Variants in CEP83 observed in about 807,000 individuals in gnomAD.
The protein encoded by CEP83 is centrosomal protein 83.
CEP83 carries 70 observed loss-of-function variants against 101.9 expected under a neutral mutation model. That is an observed-to-expected ratio of 0.69 (90% CI 0.57 to 0.84). The LOEUF (loss-of-function observed/expected upper bound fraction) is 0.84. Among genes scored for constraint, CEP83 ranks in the 40% least tolerant of loss-of-function variants. The probability of loss-of-function intolerance (pLI) is 0.00; values close to 1 mark genes in which losing one functional copy is unlikely to be tolerated. For missense variants in CEP83, 715 were observed against 787.2 expected (o/e 0.91, Z 1.10); for synonymous variants, 264 against 267.9 (o/e 0.99, Z 0.14).
At chr12:94,423,828 G>T (rs547057384) in intron 2 of CEP83, 11 of 1,613,214 alleles carry the variant, frequency 6.8e-6, no homozygotes, top group Non-Finnish European at 9.3e-6. Flanking sequence ...TGCTCTCCTC[G>T]ACTGAAACAC....
At chr12:94,297,289 G>A in the CEP83 span, 26 of 1,612,422 alleles carry the variant, frequency 1.6e-5, 1 homozygote, top group South Asian at 1.4e-4. Flanking sequence ...GTCTCCTTGG[G>A]TAACGCTTCT....
chr12:94,369,139 T>C (rs1431536043), intron 9 of CEP83: 1 of 152,232 alleles, frequency 6.6e-6, no homozygotes, highest in Non-Finnish European at 1.5e-5. Context: ...AGACAGATGT[T>C]CCAAGATTAA....
Position 94,308,894 on chromosome 12 carries a change from G to C in CEP83, c.2025C>G (p.Leu675=). 6.2e-7 allele frequency: 1 copy of C among 1,611,764 alleles called. No homozygotes were observed. Residue 675 remains leucine (L), a synonymous_variant, in exon 17 of 17, where the codon CTC becomes CTG. Coordinates refer to ENST00000397809, the MANE Select transcript of CEP83 (RefSeq NM_016122.3). ...HMQEEQHQRE[L]SLLRKRLEEL... Reference sequence around the variant, plus strand: ...CTTCTAGTCTTTTGCGAAGTAGAGAGAGTTCCCTTTGATGTTGTTCCTCCT... The same window carrying C: ...CTTCTAGTCTTTTGCGAAGTAGAGACAGTTCCCTTTGATGTTGTTCCTCCT...
chr12:94,274,155 T>TAAAAAAAAAAAAAAAAAAAAA, the CEP83 span, among the ~76,000 whole-genome samples: 2 of 45,376 alleles, frequency 4.4e-5, no homozygotes, highest in African/African-American at 2.4e-4. Context: ...ACCCTGTCTC[T>TAAAAAAAAAAAAAAAAAAAAA]AAAAAAAAAA....
intron 5 of CEP83, among the ~76,000 whole-genome samples, chr12:94,401,478 T>G (rs2063252689): frequency 6.6e-6 from 1 of 152,204 alleles, no homozygotes; most frequent in Non-Finnish European, 1.5e-5. Flanking sequence ...ACGTGCAGCA[T>G]CATCTCTACT....
chr12:94,282,227 C>A, the CEP83 span: 18 of 977,546 alleles, frequency 1.8e-5, no homozygotes, highest in African/African-American at 2.7e-4. Flanking sequence ...TTTTAGTTAT[C>A]CATAAATTTG....
chr12:94,303,145 G>A (rs565984684), downstream of CEP83, among the ~76,000 whole-genome samples: 158 of 152,108 alleles, frequency 1.0e-3, no homozygotes, highest in South Asian at 2.5e-3. Context: ...TTATAATTAC[G>A]TAGAATCATT....
intron 1 of CEP83, among the ~76,000 whole-genome samples, chr12:94,444,727 G>A (rs2066671421): frequency 6.6e-6 from 1 of 152,122 alleles, no homozygotes; most frequent in African/African-American, 2.4e-5. Context: ...GCCAGGTGTG[G>A]TGGCTCATGC....
intron 6 of CEP83, among the ~76,000 whole-genome samples, chr12:94,384,121 T>G (rs928424395): frequency 6.6e-6 from 1 of 152,178 alleles, no homozygotes; most frequent in African/African-American, 2.4e-5. Flanking sequence ...AACTTCTCTT[T>G]TGGATAGGTC....
chr12:94,333,213 G>C (rs2059310423), intron 13 of CEP83, among the ~76,000 whole-genome samples: 2 of 151,976 alleles, frequency 1.3e-5, no homozygotes, highest in African/African-American at 4.8e-5. Flanking sequence ...TTTAATCAAT[G>C]AATAAAAAAA....
chr12:94,352,954 C>T (rs569808956), intron 11 of CEP83, among the ~76,000 whole-genome samples: 13 of 152,164 alleles, frequency 8.5e-5, no homozygotes, highest in Admixed American at 3.9e-4. Context: ...TGTAGAGTTC[C>T]CAAGTCTTAG....
chr12:94,331,989 T>C (rs546452982), intron 13 of CEP83, among the ~76,000 whole-genome samples, 160 bp from the exon 14 acceptor site: 1 of 152,210 alleles, frequency 6.6e-6, no homozygotes, highest in Non-Finnish European at 1.5e-5. Context: ...AATCCCACCA[T>C]TACTGAGCAC....
At chr12:94,320,007 A>G (rs1971374414) in intron 14 of CEP83, among the ~76,000 whole-genome samples, 1 of 152,178 alleles carries the variant, frequency 6.6e-6, no homozygotes, top group East Asian at 1.9e-4. Context: ...GTCTCTAAGA[A>G]CTTGCTTTAT....
intron 2 of CEP83, among the ~76,000 whole-genome samples, chr12:94,420,322 A>T (rs1243822712): frequency 1.3e-5 from 2 of 152,218 alleles, no homozygotes; most frequent in Non-Finnish European, 2.9e-5. Flanking sequence ...CCACAAAAAG[A>T]TTTATATGAT....
At chr12:94,333,875 C>T (rs1304594276) in intron 12 of CEP83, among the ~76,000 whole-genome samples, 4 of 152,068 alleles carry the variant, frequency 2.6e-5, no homozygotes, top group Admixed American at 6.6e-5. Flanking sequence ...CTCTTCTTTC[C>T]AAAATATGCA....
chr12:94,304,087 A>G, downstream of CEP83: 2 of 1,262,130 alleles, frequency 1.6e-6, no homozygotes, highest in Non-Finnish European at 2.3e-6. Context: ...TAACCTTTGA[A>G]TCAGGCACAA....
chr12:94,447,690 TATAATA>T (rs978651109), intron 1 of CEP83, among the ~76,000 whole-genome samples: 18 of 152,162 alleles, frequency 1.2e-4, no homozygotes, highest in Middle Eastern at 3.4e-3. Flanking sequence ...CTGTAATATA[TATAATA>T]ATAATAGCAC....
At chr12:94,415,685 A>G (rs1435942512) in intron 2 of CEP83, among the ~76,000 whole-genome samples, 1 of 101,306 alleles carries the variant, frequency 9.9e-6, no homozygotes, top group Non-Finnish European at 2.2e-5. Context: ...TACTATGGCC[A>G]CTAAATAGTA....
At chr12:94,406,488 T>A (rs919775376) in intron 4 of CEP83, among the ~76,000 whole-genome samples, 12 of 151,594 alleles carry the variant, frequency 7.9e-5, no homozygotes, top group African/African-American at 2.9e-4. Flanking sequence ...TGTGTGTGTG[T>A]GTGGTGGGGG....
Sources: allele counts gnomAD v4.1 joint callset (sites outside exome capture counted in the v4.1 genomes callset), GRCh38; gene constraint gnomAD v4.1.1; transcripts MANE v1.5; gene names NCBI Gene and HGNC (gene_info 2026-07-23, HGNC 2026-07-21).